MYO1E: variants seen among roughly 807,000 people sequenced by gnomAD.
MYO1E encodes myosin IE, also known as unconventional myosin-Ie.
In MYO1E, 68 loss-of-function variants were observed where a neutral mutation model predicts 151.1. That is an observed-to-expected ratio of 0.45 (90% CI 0.37 to 0.55). MYO1E has a LOEUF of 0.55. Among genes scored for constraint, MYO1E ranks in the 20% least tolerant of loss-of-function variants. MYO1E has a pLI of 0.00. For missense variants in MYO1E, 1,363 were observed against 1,389.3 expected (o/e 0.98, Z 0.30); for synonymous variants, 601 against 501.7 (o/e 1.20, Z -2.64).
At chr15:59,163,340 T>C (rs756546080) in intron 22 of MYO1E, 37 bp from the exon 23 acceptor site, 1 of 1,602,140 alleles carries the variant, frequency 6.2e-7, no homozygotes, top group Admixed American at 1.7e-5. Flanking sequence ...TGGTGAAAGC[T>C]GTGCTTCTGT....
At position 59,136,246 on chromosome 15, in the gene MYO1E, T is replaced by G. The variant is rs1266329917; in HGVS notation, c.*1134A>C. On this transcript the variant is annotated 3_prime_UTR_variant, in exon 28 of 28. Coordinates refer to ENST00000288235, the MANE Select transcript of MYO1E (RefSeq NM_004998.4). ...ATTTTAATTAGTTTTGTTTGTTTGCTCCATAAAGACTCTATTTCCAAATAA... is the reference window on the plus strand; with the variant it reads ...ATTTTAATTAGTTTTGTTTGTTTGCGCCATAAAGACTCTATTTCCAAATAA... The G allele has an allele frequency of 1.9e-5, 3 of 154,524 alleles. No homozygotes were observed. The highest frequency in any genetic ancestry group is 4.0e-4 in the South Asian group (2 of 5,030). The allele number at this position is 154,524 out of a possible 1,614,324, so 9.6% of individuals were successfully genotyped here. A position where few individuals can be genotyped will look rare whatever the true frequency, so the allele number is the denominator to read the frequency against.
At chr15:59,273,361 G>C (rs543771845) in intron 1 of MYO1E, among the ~76,000 whole-genome samples, 15 of 144,876 alleles carry the variant, frequency 1.0e-4, no homozygotes, top group African/African-American at 3.7e-4. Context: ...GTCCTATGAA[G>C]ACACCTAGAT....
intron 7 of MYO1E, among the ~76,000 whole-genome samples, chr15:59,226,706 G>A (rs1425843624): frequency 6.6e-6 from 1 of 152,126 alleles, no homozygotes; most frequent in Non-Finnish European, 1.5e-5. Context: ...ACTTGGGAGG[G>A]TGAGGCAGGG....
At chr15:59,172,089 G>C (rs1230696979) in intron 21 of MYO1E, 47 bp from the exon 22 acceptor site, 1 of 1,601,442 alleles carries the variant, frequency 6.2e-7, no homozygotes, top group Non-Finnish European at 8.5e-7. Flanking sequence ...AGGCATGGTG[G>C]CTCACACCTG....
intron 1 of MYO1E, among the ~76,000 whole-genome samples, chr15:59,291,733 A>G (rs1309615099): frequency 4.0e-5 from 6 of 150,456 alleles, no homozygotes; most frequent in Non-Finnish European, 7.4e-5. Context: ...GAGAGAAAAC[A>G]AAGATTAACA....
chr15:59,225,650 C>CTTTTT (rs113019199), intron 7 of MYO1E, among the ~76,000 whole-genome samples: 1 of 139,272 alleles, frequency 7.2e-6, no homozygotes, highest in Non-Finnish European at 1.5e-5. Flanking sequence ...CTTTTCTTTT[C>CTTTTT]TTTTTTTTTT....
chr15:59,155,060 G>A (rs1383099201), intron 25 of MYO1E, among the ~76,000 whole-genome samples: 2 of 152,258 alleles, frequency 1.3e-5, no homozygotes, highest in South Asian at 2.1e-4. Flanking sequence ...TCTGGGGATG[G>A]GGAGGGTAGA....
intron 3 of MYO1E, among the ~76,000 whole-genome samples, chr15:59,257,899 G>T (rs1596387905): frequency 6.6e-6 from 1 of 152,186 alleles, no homozygotes; most frequent in Non-Finnish European, 1.5e-5. Flanking sequence ...GATTGTGCAG[G>T]ATTATTATAA....
At chr15:59,339,031 C>G (rs1449542104) in intron 1 of MYO1E, among the ~76,000 whole-genome samples, 1 of 152,202 alleles carries the variant, frequency 6.6e-6, no homozygotes, top group African/African-American at 2.4e-5. Context: ...ACTGGGGAGG[C>G]TGAGGCATGA....
At chr15:59,340,242 C>T (rs886980719) in intron 1 of MYO1E, among the ~76,000 whole-genome samples, 2 of 151,962 alleles carry the variant, frequency 1.3e-5, no homozygotes, top group African/African-American at 2.4e-5. Context: ...CCCAGGAGAT[C>T]GAGGCTGCAG....
chr15:59,136,771 C>A lies in MYO1E; in HGVS notation c.*609G>T. ...AGCAGCCCAGCCCCCAGCCCCCAGC[C>A]CCTGACCTGCTTGGCGGCCCTGATG... On this transcript the variant is annotated 3_prime_UTR_variant, in exon 28 of 28. Transcript: ENST00000288235. 1 of 456,502 alleles carries A rather than the reference C, an allele frequency of 2.2e-6. No homozygotes were observed. The highest frequency in any genetic ancestry group is 4.4e-6 in the Non-Finnish European group (1 of 226,822). The allele number at this position is 456,502 out of a possible 1,614,324, so 28.3% of individuals were successfully genotyped here.
chr15:59,321,909 G>C (rs1303531896), intron 1 of MYO1E, among the ~76,000 whole-genome samples: 1 of 151,806 alleles, frequency 6.6e-6, no homozygotes, highest in Admixed American at 6.6e-5. Context: ...GCAGTGGCAG[G>C]TGCCTGTAAT....
intron 4 of MYO1E, among the ~76,000 whole-genome samples, chr15:59,251,343 G>A (rs2080163980): frequency 6.6e-6 from 1 of 152,178 alleles, no homozygotes; most frequent in African/African-American, 2.4e-5. Flanking sequence ...AATGATGTCT[G>A]TAGGAAAACT....
intron 12 of MYO1E, among the ~76,000 whole-genome samples, chr15:59,210,968 G>A (rs542120927): frequency 2.4e-4 from 37 of 152,132 alleles, no homozygotes; most frequent in Non-Finnish European, 3.8e-4. Context: ...TTGGGAGGCC[G>A]AGGTGGGCGG....
chr15:59,294,155 C>T (rs1209061855), intron 1 of MYO1E, among the ~76,000 whole-genome samples: 10 of 152,144 alleles, frequency 6.6e-5, no homozygotes, highest in African/African-American at 2.4e-4. Context: ...ATTCATGTTG[C>T]TAACTATTTA....
chr15:59,349,530 T>G (rs542617209), intron 1 of MYO1E, among the ~76,000 whole-genome samples: 5 of 152,332 alleles, frequency 3.3e-5, no homozygotes, highest in South Asian at 2.1e-4. Flanking sequence ...GGGAGGAGGA[T>G]GATGAGAAAT....
chr15:59,262,502 C>A (rs181845718), intron 2 of MYO1E, among the ~76,000 whole-genome samples: 1 of 151,912 alleles, frequency 6.6e-6, no homozygotes, highest in Non-Finnish European at 1.5e-5. Context: ...GGGGCGTGTG[C>A]CTGCAGTCCC....
At position 59,256,327 on chromosome 15, in the gene MYO1E, T is replaced by G; in HGVS notation, c.289A>C (p.Arg97=). The stretch of plus-strand genomic sequence containing the variant: ...TTCTCTCTGTCAATGATCATGTTTC[T>G]GTACATATTATCTGCAAGGGCATAG... The part of the protein sequence containing the change: ...HIYALADNMY[R]NMIIDRENQC... The change falls in exon 4 of 28, where the codon AGA becomes CGA. Residue 97 remains arginine (R), a synonymous_variant. Transcript: ENST00000288235. 6.2e-7 allele frequency: 1 copy of G among 1,613,296 alleles called. No individual in the cohort carries two copies. The highest frequency in any genetic ancestry group is 8.5e-7 in the Non-Finnish European group (1 of 1,179,362).
At chr15:59,246,094 TTTTTTTAAA>T (rs1467989222) in intron 4 of MYO1E, among the ~76,000 whole-genome samples, 3 of 152,146 alleles carry the variant, frequency 2.0e-5, no homozygotes, top group Non-Finnish European at 4.4e-5. Flanking sequence ...ATTATCATTC[TTTTTTTAAA>T]TTTTTTAAAT....
Sources: gnomAD v4.1 joint callset for allele counts (sites outside exome capture counted in the v4.1 genomes callset) on GRCh38, gnomAD v4.1.1 for gene constraint, MANE v1.5 for transcripts, NCBI Gene and HGNC (gene_info 2026-07-23, HGNC 2026-07-21) for gene names.